Variants in EIF2B3 observed in about 807,000 individuals in gnomAD.
EIF2B3 encodes eukaryotic translation initiation factor 2B subunit gamma, also known as translation initiation factor eIF2B subunit gamma.
Under a neutral mutation model 54.1 loss-of-function variants are expected in EIF2B3, and 20 were observed. That is an observed-to-expected ratio of 0.37 (90% confidence interval 0.26 to 0.54). The LOEUF is 0.54. EIF2B3 is among the 20% of genes least tolerant of loss of function. The pLI, the probability that EIF2B3 is intolerant of heterozygous loss-of-function variation, is 0.86. For missense variants in EIF2B3, 448 were observed against 547.8 expected (o/e 0.82, Z 1.82); for synonymous variants, 153 against 188.1 (o/e 0.81, Z 1.52).
chr1:44,898,596 TAA>T (rs372079958), intron 5 of EIF2B3, among the ~76,000 whole-genome samples: 3 of 146,058 alleles, frequency 2.1e-5, no homozygotes, highest in African/African-American at 2.5e-5. Context: ...GGAGTATGGT[TAA>T]AAAAAAAAAA....
At chr1:44,948,111 A>G (rs1366102725) in intron 3 of EIF2B3, among the ~76,000 whole-genome samples, 1 of 152,250 alleles carries the variant, frequency 6.6e-6, no homozygotes. Context: ...TCAAAGTGCA[A>G]GGCCAAGGGC....
intron 3 of EIF2B3, among the ~76,000 whole-genome samples, chr1:44,967,952 C>T (rs1047146758): frequency 1.6e-4 from 25 of 152,046 alleles, no homozygotes; most frequent in Admixed American, 1.0e-3. Context: ...ACAGGAGAAT[C>T]GCTTGAACCT....
intron 5 of EIF2B3, among the ~76,000 whole-genome samples, chr1:44,914,752 G>A (rs982938332): frequency 1.3e-5 from 2 of 151,946 alleles, no homozygotes; most frequent in South Asian, 2.1e-4. Context: ...GCAGTAGCAC[G>A]GTCTTGGCTC....
At chr1:44,934,580 C>A (rs1210981375) in intron 4 of EIF2B3, among the ~76,000 whole-genome samples, 1 of 151,850 alleles carries the variant, frequency 6.6e-6, no homozygotes, top group Non-Finnish European at 1.5e-5. Flanking sequence ...TCCCAGCTCA[C>A]TACAACCTCC....
intron 4 of EIF2B3, among the ~76,000 whole-genome samples, chr1:44,937,611 C>T (rs1340794905): frequency 6.6e-6 from 1 of 151,392 alleles, no homozygotes; most frequent in Non-Finnish European, 1.5e-5. Context: ...AGACCGGGCG[C>T]GGTGGCTCAC....
chr1:44,963,225 CAAAAACAAA>C (rs1464831449), intron 3 of EIF2B3, among the ~76,000 whole-genome samples: 1 of 147,824 alleles, frequency 6.8e-6, no homozygotes, highest in Non-Finnish European at 1.5e-5. Context: ...AAAACAAAAA[CAAAAACAAA>C]AAAAACAAAA....
intron 3 of EIF2B3, among the ~76,000 whole-genome samples, chr1:44,970,324 A>G (rs1357635758): frequency 6.6e-6 from 1 of 152,254 alleles, no homozygotes; most frequent in Non-Finnish European, 1.5e-5. Context: ...AAAGCCAAAT[A>G]AAGTGAATGT....
chr1:44,869,154 A>C (rs2148898526), intron 10 of EIF2B3, among the ~76,000 whole-genome samples: 1 of 152,300 alleles, frequency 6.6e-6, no homozygotes. Flanking sequence ...AACAATAATA[A>C]ATAAATAAAA....
chr1:44,974,834 A>G (rs1021751090), intron 3 of EIF2B3, among the ~76,000 whole-genome samples: 9 of 152,242 alleles, frequency 5.9e-5, no homozygotes, highest in Admixed American at 3.3e-4. Context: ...ATGTACAAGC[A>G]ATAAACAATT....
chr1:44,935,679 T>C (rs1316898198), intron 4 of EIF2B3, among the ~76,000 whole-genome samples: 1 of 152,096 alleles, frequency 6.6e-6, no homozygotes, highest in Non-Finnish European at 1.5e-5. Context: ...TTTTTGTATT[T>C]TTAGAGAGAG....
chr1:44,928,033 G>T (rs1190183393), intron 4 of EIF2B3, among the ~76,000 whole-genome samples: 1 of 152,014 alleles, frequency 6.6e-6, no homozygotes. Context: ...ATGGTGGCAT[G>T]CACCTATAGT....
At chr1:44,936,118 G>A (rs1432169224) in intron 4 of EIF2B3, among the ~76,000 whole-genome samples, 2 of 152,132 alleles carry the variant, frequency 1.3e-5, no homozygotes, top group East Asian at 3.9e-4. Context: ...AAAGAAATGA[G>A]GTTTCTCAGA....
intron 3 of EIF2B3, among the ~76,000 whole-genome samples, chr1:44,957,404 A>C (rs985362380): frequency 2.0e-5 from 3 of 152,256 alleles, no homozygotes; most frequent in Non-Finnish European, 4.4e-5. Flanking sequence ...TGAACAATTT[A>C]CAAAGAAAGA....
chr1:44,930,492 T>C (rs1643887482), intron 4 of EIF2B3, among the ~76,000 whole-genome samples: 1 of 152,222 alleles, frequency 6.6e-6, no homozygotes. Flanking sequence ...TGTTTTGAGT[T>C]TAGACTTCAA....
At chr1:44,948,766 A>C (rs1406969577) in intron 3 of EIF2B3, among the ~76,000 whole-genome samples, 1 of 152,144 alleles carries the variant, frequency 6.6e-6, no homozygotes, top group African/African-American at 2.4e-5. Context: ...CATGATTTTA[A>C]GGGTCTTCAA....
In EIF2B3 at chr1:44,948,519, G is replaced by A. The variant is rs1323455142; in HGVS notation, c.295-6854C>T. 2.0e-5 allele frequency among the ~76,000 whole-genome samples: 3 copies of A among 151,540 alleles called. No homozygotes were observed. The East Asian group carries it at 5.8e-4, about 29-fold the overall frequency. On this transcript the variant is annotated intron_variant, in intron 3 of 11. Transcript: ENST00000360403. ...ACAGTGTTTTCCAAACATCAAAAAA[G>A]TTGAACTTATTGCCACTTACCTTAA...
chr1:44,940,666 G>C (rs1395356903), intron 4 of EIF2B3: 1 of 154,110 alleles, frequency 6.5e-6, no homozygotes, highest in Non-Finnish European at 1.4e-5. Context: ...AGCTACTCGG[G>C]AGGCTGAGGC....
intron 5 of EIF2B3, among the ~76,000 whole-genome samples, chr1:44,921,895 TA>T (rs144531499): frequency 0.21 from 31,365 of 146,526 alleles, 3,974 homozygotes; most frequent in African/African-American, 0.37. Context: ...CATATATATA[TA>T]TTTTTTTATT....
intron 5 of EIF2B3, among the ~76,000 whole-genome samples, chr1:44,912,633 A>C (rs1643538265): frequency 6.6e-6 from 1 of 152,102 alleles, no homozygotes; most frequent in Non-Finnish European, 1.5e-5. Flanking sequence ...CCATATCCGG[A>C]CCAAATCAAT....
Sources: gnomAD v4.1 joint callset for allele counts (sites outside exome capture counted in the v4.1 genomes callset) on GRCh38, gnomAD v4.1.1 for gene constraint, MANE v1.5 for transcripts, NCBI Gene and HGNC (gene_info 2026-07-23, HGNC 2026-07-21) for gene names.